The following ENTREP2 variants were observed in gnomAD, a reference collection of about 807,000 sequenced individuals.
ENTREP2 encodes protein ENTREP2.
chr15:29,512,920 G>A, the ENTREP2 span, among the ~76,000 whole-genome samples: 1 of 152,154 alleles, frequency 6.6e-6, no homozygotes, highest in African/African-American at 2.4e-5. Flanking sequence ...TGGTTCTGTT[G>A]AAGTTTTATA....
chr15:29,379,935 C>T, the ENTREP2 span, among the ~76,000 whole-genome samples: 1 of 151,872 alleles, frequency 6.6e-6, no homozygotes, highest in African/African-American at 2.4e-5. Context: ...GGCAGCTGTC[C>T]CCATGTCACT....
At chr15:29,334,608 G>C in the ENTREP2 span, among the ~76,000 whole-genome samples, 2 of 150,954 alleles carry the variant, frequency 1.3e-5, no homozygotes, top group Non-Finnish European at 2.9e-5. Context: ...ATACTTTAAG[G>C]TTAACACTGA....
the ENTREP2 span, among the ~76,000 whole-genome samples, chr15:29,183,575 C>T: frequency 6.6e-6 from 1 of 152,204 alleles, no homozygotes; most frequent in Non-Finnish European, 1.5e-5. Flanking sequence ...GGAATACTCG[C>T]TCAATGCAAG....
chr15:29,481,463 G>A, the ENTREP2 span, among the ~76,000 whole-genome samples: 1 of 152,212 alleles, frequency 6.6e-6, no homozygotes, highest in Non-Finnish European at 1.5e-5. Flanking sequence ...GATTCATGCA[G>A]AAGACAGACT....
At chr15:29,657,337 T>TA in the ENTREP2 span, among the ~76,000 whole-genome samples, 2 of 147,012 alleles carry the variant, frequency 1.4e-5, no homozygotes, top group Non-Finnish European at 3.0e-5. Flanking sequence ...CCACCAGTGT[T>TA]ACAGCTCTCA....
the ENTREP2 span, among the ~76,000 whole-genome samples, chr15:29,249,677 G>A: frequency 6.6e-6 from 1 of 152,096 alleles, no homozygotes; most frequent in African/African-American, 2.4e-5. Flanking sequence ...GAAGAACTCA[G>A]GGTAGGTCAT....
chr15:29,490,341 C>A, the ENTREP2 span, among the ~76,000 whole-genome samples: 1 of 152,168 alleles, frequency 6.6e-6, no homozygotes, highest in African/African-American at 2.4e-5. Flanking sequence ...TAAGAGTGAG[C>A]AGTGGCAAGA....
chr15:29,477,555 T>C, the ENTREP2 span, among the ~76,000 whole-genome samples: 1 of 152,146 alleles, frequency 6.6e-6, no homozygotes, highest in Non-Finnish European at 1.5e-5. Context: ...CAAGGAATCT[T>C]AGGACCAGAG....
the ENTREP2 span, among the ~76,000 whole-genome samples, chr15:29,456,558 C>T: frequency 6.6e-6 from 1 of 152,222 alleles, no homozygotes; most frequent in African/African-American, 2.4e-5. Flanking sequence ...GGGCACTAGG[C>T]CCTGTGAAGG....
At chr15:29,250,147 A>C in the ENTREP2 span, among the ~76,000 whole-genome samples, 1 of 152,166 alleles carries the variant, frequency 6.6e-6, no homozygotes, top group African/African-American at 2.4e-5. Flanking sequence ...AGCAAGGCCG[A>C]GAAACAGTGA....
the ENTREP2 span, among the ~76,000 whole-genome samples, chr15:29,150,160 T>G: frequency 6.6e-6 from 1 of 152,162 alleles, no homozygotes; most frequent in Non-Finnish European, 1.5e-5. Flanking sequence ...GTGAGGAAAC[T>G]GAGGCACAGG....
At chr15:29,608,514 C>T in the ENTREP2 span, among the ~76,000 whole-genome samples, 1 of 119,496 alleles carries the variant, frequency 8.4e-6, no homozygotes, top group Non-Finnish European at 1.8e-5. Context: ...CTGCCTCCTC[C>T]TGCCTTCTTT....
chr15:29,592,410 G>T, the ENTREP2 span, among the ~76,000 whole-genome samples: 1 of 152,228 alleles, frequency 6.6e-6, no homozygotes, highest in African/African-American at 2.4e-5. Flanking sequence ...GGAAGTCCAA[G>T]ACTGAGGGGC....
At chr15:29,496,887 T>C in the ENTREP2 span, among the ~76,000 whole-genome samples, 1 of 152,220 alleles carries the variant, frequency 6.6e-6, no homozygotes, top group Non-Finnish European at 1.5e-5. Flanking sequence ...TTGCCTGGCT[T>C]TGCTATCAGG....
At chr15:29,353,509 G>A in the ENTREP2 span, among the ~76,000 whole-genome samples, 2 of 152,192 alleles carry the variant, frequency 1.3e-5, no homozygotes, top group African/African-American at 4.8e-5. Context: ...CTATGGGTGT[G>A]TGTATGTTGC....
At chr15:29,534,537 C>T in the ENTREP2 span, among the ~76,000 whole-genome samples, 1 of 152,202 alleles carries the variant, frequency 6.6e-6, no homozygotes, top group Non-Finnish European at 1.5e-5. Context: ...AGATTAGTCT[C>T]CAAGTTTGTA....
chr15:29,657,079 C>T, the ENTREP2 span, among the ~76,000 whole-genome samples: 1 of 152,110 alleles, frequency 6.6e-6, no homozygotes, highest in Non-Finnish European at 1.5e-5. Flanking sequence ...ACCGAGTCTC[C>T]CGCTGTTCCT....
chr15:29,509,069 C>A, the ENTREP2 span, among the ~76,000 whole-genome samples: 11 of 152,140 alleles, frequency 7.2e-5, no homozygotes, highest in Non-Finnish European at 1.5e-4. Flanking sequence ...GATACAAAAT[C>A]AATATGCAAA....
At chr15:29,234,044 C>CCT in the ENTREP2 span, 1 of 1,459,790 alleles carries the variant, frequency 6.9e-7, no homozygotes, top group Non-Finnish European at 9.6e-7. Flanking sequence ...TCTTCCTCAT[C>CCT]CTCTATTGCT....
Sources: gnomAD v4.1 joint callset for allele counts (sites outside exome capture counted in the v4.1 genomes callset) on GRCh38, gnomAD v4.1.1 for gene constraint, MANE v1.5 for transcripts, NCBI Gene and HGNC (gene_info 2026-07-23, HGNC 2026-07-21) for gene names.